Variants in STPG1 observed in about 807,000 individuals in gnomAD.
The protein encoded by STPG1 is sperm tail PG-rich repeat containing 1.
A neutral mutation model predicts 40.1 loss-of-function variants in STPG1; 33 were observed. That is an observed-to-expected ratio of 0.82 (90% CI 0.62 to 1.10). STPG1 has a LOEUF of 1.10. Among genes scored for constraint, STPG1 ranks in the 50% least tolerant of loss-of-function variants. The probability of loss-of-function intolerance (pLI) is 0.00; values close to 1 mark genes in which losing one functional copy is unlikely to be tolerated. For synonymous variants in STPG1, 150 were observed against 155.0 expected (o/e 0.97, Z 0.24); for missense variants, 396 against 415.1 (o/e 0.95, Z 0.40).
At position 24,379,715 on chromosome 1, in the gene STPG1, A is replaced by G. The variant is rs772868550; in HGVS notation, c.400T>C (p.Phe134Leu). The G allele has an allele frequency of 1.2e-6, 2 of 1,614,204 alleles. No homozygotes were observed. The highest frequency in any genetic ancestry group is 1.7e-6 in the Non-Finnish European group (2 of 1,180,016). ...RDFSNSCSSM[F>L]QLPSFMKALK... The stretch of plus-strand genomic sequence containing the variant: ...GCTTTCATAAAGCTTGGCAACTGGA[A>G]CATGCTGGAACACGAATTACTAAAG... The change falls in exon 5 of 9, where the codon TTC becomes CTC. Residue 134 changes from phenylalanine to leucine, a missense_variant. Phe to Leu is a conservative substitution (Grantham distance 22). Transcript: ENST00000337248.
At chr1:24,360,621 G>A (rs1327434008) in intron 8 of STPG1, among the ~76,000 whole-genome samples, 1 of 152,116 alleles carries the variant, frequency 6.6e-6, no homozygotes, top group Non-Finnish European at 1.5e-5. Context: ...AGATGTTCAT[G>A]GTCCTCAGTA....
intron 7 of STPG1, chr1:24,364,564 C>T (rs1641332478): frequency 2.1e-6 from 2 of 968,130 alleles, no homozygotes; most frequent in Non-Finnish European, 2.7e-6. Flanking sequence ...GCCCCTAGCC[C>T]TATCCCGGGA....
intron 3 of STPG1, among the ~76,000 whole-genome samples, chr1:24,389,124 T>C (rs1011133601): frequency 2.0e-5 from 3 of 152,240 alleles, no homozygotes; most frequent in Non-Finnish European, 4.4e-5. Flanking sequence ...CCCATCTCTA[T>C]TCGATGCTGC....
chr1:24,357,968 C>A lies in STPG1; in HGVS notation c.*575G>T. ...AGGAGTAAAGAGAGGTCTTTCCAAA[C>A]AGGTGGTCACTTTAGAAAGGAAGCT... On this transcript the variant is annotated 3_prime_UTR_variant, in exon 9 of 9. Transcript: ENST00000337248. 5.8e-6 allele frequency: 2 copies of A among 344,914 alleles called. No homozygotes were observed. Among genetic ancestry groups the A allele is most frequent in the South Asian group, 2.3e-5 (1 of 44,418 alleles). The allele number at this position is 344,914 out of a possible 1,614,324, so 21.4% of individuals were successfully genotyped here.
At chr1:24,396,299 C>CTATCATCT (rs58386447) in intron 2 of STPG1, among the ~76,000 whole-genome samples, 24,575 of 143,980 alleles carry the variant, frequency 0.17, 2,363 homozygotes, top group East Asian at 0.25. Context: ...ATCTATCTAT[C>CTATCATCT]ATCTATCTAT....
intron 7 of STPG1, among the ~76,000 whole-genome samples, chr1:24,362,888 T>A (rs1312831180): frequency 6.6e-6 from 1 of 152,204 alleles, no homozygotes; most frequent in Admixed American, 6.5e-5. Context: ...TTGCTATGAA[T>A]CTGCATGGAA....
chr1:24,374,256 T>C (rs1407620475), intron 5 of STPG1, among the ~76,000 whole-genome samples: 1,059 of 60,730 alleles, frequency 0.017, 15 homozygotes, highest in Admixed American at 0.029. Context: ...TTTTTTTTTT[T>C]GTTTTTTTTT....
chr1:24,375,600 G>A (rs1272894606), intron 5 of STPG1, among the ~76,000 whole-genome samples: 1 of 152,106 alleles, frequency 6.6e-6, no homozygotes, highest in Non-Finnish European at 1.5e-5. Context: ...CAAGGAAGAG[G>A]ACTCGAATAT....
chr1:24,399,967 A>G lies in STPG1; in HGVS notation c.70+1352T>C, dbSNP rs1643154832. On this transcript the variant is annotated intron_variant, in intron 2 of 8. Coordinates refer to ENST00000337248, the MANE Select transcript of STPG1 (RefSeq NM_001199013.2). The surrounding 1 kb of genome is among the most constrained non-coding windows in gnomAD (Gnocchi z 4.0). ...AGCTACTTTGGAAAACTGTTTGGCAATATCAACTAAGCTTACCCTAAACAT... is the reference window on the plus strand; with the variant it reads ...AGCTACTTTGGAAAACTGTTTGGCAGTATCAACTAAGCTTACCCTAAACAT... Among the ~76,000 whole-genome samples, 1 of 152,206 alleles carries G rather than the reference A, an allele frequency of 6.6e-6. No homozygotes were observed. Among genetic ancestry groups the G allele is most frequent in the African/African-American group, 2.4e-5 (1 of 41,450 alleles).
chr1:24,408,464 T>C (rs1346340397), intron 1 of STPG1, among the ~76,000 whole-genome samples: 1 of 152,230 alleles, frequency 6.6e-6, no homozygotes, highest in Non-Finnish European at 1.5e-5. Flanking sequence ...CTCCTTCCTT[T>C]AGGGTTCTCC....
At chr1:24,403,374 GAGTA>G (rs1643298747) in intron 1 of STPG1, among the ~76,000 whole-genome samples, 1 of 151,994 alleles carries the variant, frequency 6.6e-6, no homozygotes, top group Non-Finnish European at 1.5e-5. Flanking sequence ...TCTTGCTTTA[GAGTA>G]AGTTTTAAAA....
In STPG1 at chr1:24,399,606, C is replaced by T. The variant is rs765937074; in HGVS notation, c.70+1713G>A. ...TGTTAAGAGAGTGAAAAGGAAAGTC[C>T]CAGGATAAGGGATGACATTTACCTA... On this transcript the variant is annotated intron_variant, in intron 2 of 8. Coordinates refer to ENST00000337248, the MANE Select transcript of STPG1 (RefSeq NM_001199013.2). The surrounding 1 kb of genome is among the most constrained non-coding windows in gnomAD (Gnocchi z 4.0). Among the ~76,000 whole-genome samples the T allele has an allele frequency of 2.4e-4, 37 of 151,756 alleles. No homozygotes were observed. Among genetic ancestry groups the T allele is most frequent in the Non-Finnish European group, 4.0e-4 (27 of 67,900 alleles).
intron 1 of STPG1, 150 bp from the exon 2 acceptor site, chr1:24,401,606 A>AT: frequency 6.9e-6 from 4 of 577,884 alleles, no homozygotes; most frequent in Non-Finnish European, 9.4e-6. Flanking sequence ...TCCCAAGCAC[A>AT]TTGTGCTGGT....
At chr1:24,362,730 GGGGACACCCCCCT>G (rs1359276229) in intron 7 of STPG1, among the ~76,000 whole-genome samples, 10 of 152,210 alleles carry the variant, frequency 6.6e-5, no homozygotes, top group Non-Finnish European at 1.2e-4. Context: ...TGCTGAGGCA[GGGGACACCCCCCT>G]GGTCAGAGAG....
chr1:24,367,081 G>A (rs896508684), intron 7 of STPG1, among the ~76,000 whole-genome samples: 7 of 152,272 alleles, frequency 4.6e-5, no homozygotes, highest in South Asian at 2.1e-4. Context: ...GTGGGAAGAC[G>A]GCCCCATGGG....
chr1:24,367,431 C>A (rs986456800), intron 7 of STPG1, among the ~76,000 whole-genome samples: 3 of 152,192 alleles, frequency 2.0e-5, no homozygotes, highest in Non-Finnish European at 2.9e-5. Context: ...GCTTGAGCTG[C>A]CATGCCAAAT....
At chr1:24,414,441 G>C (rs569311215), upstream of STPG1, 1 of 150,568 alleles carries the variant, frequency 6.6e-6, no homozygotes, top group Middle Eastern at 3.5e-3. Flanking sequence ...CTCTTCACAC[G>C]CTTCAGGGCA....
chr1:24,401,649 C>T (rs1348748194), intron 1 of STPG1, among the ~76,000 whole-genome samples, 193 bp from the exon 2 acceptor site: 1 of 152,210 alleles, frequency 6.6e-6, no homozygotes, highest in Non-Finnish European at 1.5e-5. Flanking sequence ...TAAGAAGTCA[C>T]TGTTGATGTT....
intron 5 of STPG1, among the ~76,000 whole-genome samples, chr1:24,377,096 TAA>T (rs5773086): frequency 6.9e-6 from 1 of 145,378 alleles, no homozygotes; most frequent in South Asian, 2.2e-4. Flanking sequence ...CCATCTCTAC[TAA>T]AAAAAAAAAA....
Sources: gnomAD v4.1 joint callset for allele counts (sites outside exome capture counted in the v4.1 genomes callset) on GRCh38, gnomAD v4.1.1 for gene constraint, Gnocchi (gnomAD v3.1) non-coding constraint, MANE v1.5 for transcripts, NCBI Gene and HGNC (gene_info 2026-07-23, HGNC 2026-07-21) for gene names.